FIP1L1: variants seen among roughly 807,000 people sequenced by gnomAD.
FIP1L1 encodes the protein pre-mRNA 3'-end-processing factor FIP1.
Under a neutral mutation model 84.6 loss-of-function variants are expected in FIP1L1, and 21 were observed. The ratio of observed to expected loss-of-function variants is 0.25; its 90% CI spans 0.18 to 0.36. The LOEUF (loss-of-function observed/expected upper bound fraction) is 0.36, where lower values mean the gene tolerates loss of function less well. Ranked by LOEUF, FIP1L1 falls within the 10% of genes least tolerant of loss-of-function variation. The pLI is 1.00. For synonymous variants in FIP1L1, 263 were observed against 242.3 expected (o/e 1.09, Z -0.80); for missense variants, 526 against 751.1 (o/e 0.70, Z 3.50).
intron 13 of FIP1L1, among the ~76,000 whole-genome samples, chr4:53,428,851 AGATT>A (rs1765386494): frequency 1.3e-5 from 2 of 152,192 alleles, no homozygotes; most frequent in Admixed American, 1.3e-4. Flanking sequence ...GAAACTAGCA[AGATT>A]GATTGAGATA....
In FIP1L1 at chr4:53,453,092, G is replaced by A. The variant is rs1218423544; in HGVS notation, c.1458G>A (p.Glu486=). The A allele has an allele frequency of 6.2e-7, 1 of 1,613,950 alleles. No homozygotes were observed. The highest frequency in any genetic ancestry group is 1.3e-5 in the African/African-American group (1 of 75,042). Residue 486 remains glutamate (E), a synonymous_variant, in exon 16 of 18, where the codon GAG becomes GAA. Coordinates refer to ENST00000337488, the MANE Select transcript of FIP1L1 (RefSeq NM_030917.4). The part of the protein sequence containing the change: ...DRERERTRER[E]RERDHSPTPS... ...AAAGAGAACGCACCAGAGAGAGAGA[G>A]AGGGAGCGTGATCACAGTCCTACAC...
chr4:53,410,537 A>G (rs1287010433), intron 10 of FIP1L1, among the ~76,000 whole-genome samples: 1 of 152,136 alleles, frequency 6.6e-6, no homozygotes, highest in African/African-American at 2.4e-5. Context: ...CTGCTTTATG[A>G]CCCATTTTGA....
At chr4:53,446,653 A>G (rs1193473342) in intron 15 of FIP1L1, among the ~76,000 whole-genome samples, 2 of 152,234 alleles carry the variant, frequency 1.3e-5, no homozygotes, top group South Asian at 2.1e-4. Context: ...ATGACTTATT[A>G]AAGTTTGATT....
intron 13 of FIP1L1, among the ~76,000 whole-genome samples, chr4:53,435,906 A>T (rs1768959627): frequency 6.6e-6 from 1 of 152,198 alleles, no homozygotes; most frequent in Non-Finnish European, 1.5e-5. Flanking sequence ...AGAAGGTGAT[A>T]TTTAAAGATT....
intron 4 of FIP1L1, among the ~76,000 whole-genome samples, chr4:53,383,536 C>T (rs1351485716): frequency 6.6e-6 from 1 of 152,050 alleles, no homozygotes; most frequent in Non-Finnish European, 1.5e-5. Flanking sequence ...GTGGCGGGCA[C>T]CTGTAATCCT....
At chr4:53,381,753 C>CTTAT (rs1560481351) in intron 3 of FIP1L1, among the ~76,000 whole-genome samples, 1 of 87,948 alleles carries the variant, frequency 1.1e-5, no homozygotes, top group Non-Finnish European at 2.0e-5. Flanking sequence ...CATTTGCATT[C>CTTAT]TTTTTTTTTT....
At chr4:53,452,033 G>T (rs1016553585) in intron 15 of FIP1L1, among the ~76,000 whole-genome samples, 1 of 151,748 alleles carries the variant, frequency 6.6e-6, no homozygotes, top group Non-Finnish European at 1.5e-5. Flanking sequence ...ACAGGCACCT[G>T]CCACCGCACC....
intron 14 of FIP1L1, among the ~76,000 whole-genome samples, 152 bp from the exon 15 acceptor site, chr4:53,443,894 CAT>C (rs1773081983): frequency 6.6e-6 from 1 of 151,608 alleles, no homozygotes. Context: ...AAAAAAACCC[CAT>C]GTTTTATTAA....
intron 15 of FIP1L1, 62 bp from the exon 16 acceptor site, chr4:53,452,858 G>A: frequency 8.2e-7 from 1 of 1,219,160 alleles, no homozygotes; most frequent in Non-Finnish European, 1.2e-6. Flanking sequence ...ACACATTTTT[G>A]GTGGGCATTT....
At chr4:53,446,657 TTTGA>T (rs1239579429) in intron 15 of FIP1L1, among the ~76,000 whole-genome samples, 2 of 152,166 alleles carry the variant, frequency 1.3e-5, no homozygotes, top group Non-Finnish European at 2.9e-5. Context: ...CTTATTAAAG[TTTGA>T]TTGTTTTACT....
intron 10 of FIP1L1, among the ~76,000 whole-genome samples, chr4:53,406,950 C>G (rs1247674231): frequency 6.6e-6 from 1 of 152,008 alleles, no homozygotes; most frequent in Non-Finnish European, 1.5e-5. Context: ...TTGATCTTTT[C>G]AAAAAACCAG....
In FIP1L1 at chr4:53,389,724, ATTTG is replaced by A. The variant is rs1230562102; in HGVS notation, c.333-79_333-76del. The A allele has an allele frequency of 2.9e-5, 29 of 1,011,544 alleles. No homozygotes were observed. The East Asian group carries it at 3.4e-4, about 12-fold the overall frequency. 62.7% of individuals were successfully genotyped at this position (1,011,544 alleles called of 1,614,324 possible). On this transcript the variant is annotated intron_variant, in intron 5 of 17. Coordinates refer to ENST00000337488, the MANE Select transcript of FIP1L1 (RefSeq NM_030917.4). ...TATCCATTTACTATGTGATTGTATA[ATTTG>A]TTTGTACAAATGGAATATATTACTG...
In FIP1L1 at chr4:53,390,606, A is replaced by G; in HGVS notation, c.483A>G (p.Glu161=). Residue 161 remains glutamate (E), a synonymous_variant, in exon 7 of 18, where the codon GAA becomes GAG. Coordinates refer to ENST00000337488, the MANE Select transcript of FIP1L1 (RefSeq NM_030917.4). ...PLLEVDLDSF[E]DKPWRKPGAD... ...TAGAGGTAGATTTGGATTCTTTTGA[A>G]GATAAACCATGGCGTAAACCTGGTA... is the stretch of plus-strand genomic sequence containing the variant. 2 of 1,609,574 alleles carry G rather than the reference A, an allele frequency of 1.2e-6. No homozygotes were observed. Among genetic ancestry groups the G allele is most frequent in the Non-Finnish European group, 8.5e-7 (1 of 1,176,138 alleles).
intron 9 of FIP1L1, among the ~76,000 whole-genome samples, chr4:53,392,871 T>G (rs1745018049): frequency 1.3e-5 from 2 of 152,244 alleles, no homozygotes; most frequent in South Asian, 4.1e-4. Flanking sequence ...GATTGGATTC[T>G]GAATGAAAGA....
Position 53,460,061 on chromosome 4 carries a change from A to G in FIP1L1, c.*612A>G. 5.0e-6 allele frequency: 1 copy of G among 200,982 alleles called. No individual in the cohort carries two copies. The highest frequency in any genetic ancestry group is 1.0e-5 in the Non-Finnish European group (1 of 97,578). The allele number at this position is 200,982 out of a possible 1,614,324, so 12.4% of individuals were successfully genotyped here. ...TGGGTGGCCTCTATGAAATAAATTA[A>G]TTAATTACCCATAGTGTAGTTTCTA... On this transcript the variant is annotated 3_prime_UTR_variant, in exon 18 of 18. Transcript: ENST00000337488.
intron 11 of FIP1L1, among the ~76,000 whole-genome samples, chr4:53,418,766 C>T (rs1760921434): frequency 6.6e-6 from 1 of 152,116 alleles, no homozygotes; most frequent in Non-Finnish European, 1.5e-5. Flanking sequence ...AATTGCTTTT[C>T]AATGTTAAAT....
chr4:53,401,945 G>T (rs562562533), intron 10 of FIP1L1, among the ~76,000 whole-genome samples: 9 of 152,228 alleles, frequency 5.9e-5, no homozygotes, highest in Admixed American at 5.9e-4. Flanking sequence ...CATAAAAGAG[G>T]TAAGTATTGA....
intron 10 of FIP1L1, among the ~76,000 whole-genome samples, chr4:53,402,595 G>A (rs1304516663): frequency 2.0e-5 from 3 of 152,142 alleles, no homozygotes; most frequent in African/African-American, 4.8e-5. Flanking sequence ...CAAGCTACTC[G>A]GGAGGCTGAG....
At chr4:53,441,146 GTTTTA>G (rs907668423) in intron 13 of FIP1L1, among the ~76,000 whole-genome samples, 1 of 151,548 alleles carries the variant, frequency 6.6e-6, no homozygotes, top group South Asian at 2.1e-4. Context: ...GTGGCCCAGT[GTTTTA>G]TTTATTTATT....
Sources: gnomAD v4.1 joint callset for allele counts (sites outside exome capture counted in the v4.1 genomes callset) on GRCh38, gnomAD v4.1.1 for gene constraint, MANE v1.5 for transcripts, NCBI Gene and HGNC (gene_info 2026-07-23, HGNC 2026-07-21) for gene names.